EFNB2: variants seen among roughly 807,000 people sequenced by gnomAD.
The protein encoded by EFNB2 is ephrin B2, also known as ephrin-B2.
EFNB2 carries 5 observed loss-of-function variants against 32.1 expected under a neutral mutation model. The ratio of observed to expected loss-of-function variants is 0.16; its 90% CI spans 0.08 to 0.33. EFNB2 has a LOEUF of 0.33. Among genes scored for constraint, EFNB2 ranks in the 10% least tolerant of loss-of-function variants. EFNB2 has a pLI of 1.00. For missense variants in EFNB2, 263 were observed against 422.6 expected (o/e 0.62, Z 3.31); for synonymous variants, 168 against 166.5 (o/e 1.01, Z -0.07).
chr13:106,500,587 C>G (rs1043921485), intron 2 of EFNB2, among the ~76,000 whole-genome samples: 3 of 152,190 alleles, frequency 2.0e-5, no homozygotes, highest in African/African-American at 7.2e-5. Flanking sequence ...GTCATGAAAA[C>G]CACAGAGTCG....
At chr13:106,529,733 AT>A (rs1434461409) in intron 1 of EFNB2, among the ~76,000 whole-genome samples, 1 of 152,126 alleles carries the variant, frequency 6.6e-6, no homozygotes, top group Non-Finnish European at 1.5e-5. Context: ...TTACCACATT[AT>A]TTTTATCTGA....
intron 2 of EFNB2, among the ~76,000 whole-genome samples, chr13:106,497,154 C>T (rs190236985): frequency 6.6e-6 from 1 of 152,250 alleles, no homozygotes; most frequent in East Asian, 1.9e-4. Flanking sequence ...ATTATATTAA[C>T]TACAAAAATA....
At chr13:106,532,099 A>G (rs923339427) in intron 1 of EFNB2, among the ~76,000 whole-genome samples, 5 of 151,956 alleles carry the variant, frequency 3.3e-5, no homozygotes, top group African/African-American at 9.7e-5. Flanking sequence ...AACAACCAAA[A>G]TGGCTACAAC....
chr13:106,533,308 G>A (rs1007630045), intron 1 of EFNB2, among the ~76,000 whole-genome samples: 4 of 151,960 alleles, frequency 2.6e-5, no homozygotes, highest in African/African-American at 4.8e-5. Context: ...GGGACCCGCT[G>A]CTGCGCGAGG....
At chr13:106,526,271 T>A (rs1017780524) in intron 1 of EFNB2, among the ~76,000 whole-genome samples, 1 of 152,116 alleles carries the variant, frequency 6.6e-6, no homozygotes, top group African/African-American at 2.4e-5. Context: ...CAGCACAAAT[T>A]CGGGTTGTCT....
At chr13:106,524,838 G>T (rs1320495701) in intron 1 of EFNB2, among the ~76,000 whole-genome samples, 1 of 152,182 alleles carries the variant, frequency 6.6e-6, no homozygotes, top group African/African-American at 2.4e-5. Context: ...AGAGGAGAGA[G>T]AACTTAATTT....
chr13:106,491,489 A>G lies in EFNB2; in HGVS notation c.*1551T>C, dbSNP rs181053264. Reference sequence around the variant, plus strand: ...AACCTTAAAATATATATTAGTAAAAATCTTTCATTTTATATCCCTTGTGTT... The same window carrying G: ...AACCTTAAAATATATATTAGTAAAAGTCTTTCATTTTATATCCCTTGTGTT... On this transcript the variant is annotated 3_prime_UTR_variant, in exon 5 of 5. Coordinates refer to ENST00000646441, the MANE Select transcript of EFNB2 (RefSeq NM_004093.4). 2.0e-5 allele frequency: 3 copies of G among 152,648 alleles called. No homozygotes were observed. The highest frequency in any genetic ancestry group is 2.0e-4 in the Admixed American group (3 of 15,302). 9.5% of individuals were successfully genotyped at this position (152,648 alleles called of 1,614,324 possible).
chr13:106,502,884 CAT>C (rs963361370), intron 2 of EFNB2, among the ~76,000 whole-genome samples: 87 of 152,268 alleles, frequency 5.7e-4, no homozygotes, highest in African/African-American at 2.1e-3. Context: ...TGCGTGTCTA[CAT>C]GTGTGTGCGT....
At chr13:106,501,005 A>C (rs1266981762) in intron 2 of EFNB2, among the ~76,000 whole-genome samples, 2 of 152,250 alleles carry the variant, frequency 1.3e-5, no homozygotes, top group African/African-American at 4.8e-5. Flanking sequence ...GGTAAGTTGA[A>C]AAATAAGAAG....
chr13:106,490,057 G>A lies in EFNB2; in HGVS notation c.*2983C>T, dbSNP rs941808470. On this transcript the variant is annotated 3_prime_UTR_variant, in exon 5 of 5. Transcript: ENST00000646441. ...CATTTTTTCCTCATTACAGTGCAAA[G>A]GGGAATGACACTGCCGTTAAACAAG... The A allele has an allele frequency of 2.0e-5, 3 of 152,692 alleles. No individual in the cohort carries two copies. In the South Asian group the frequency reaches 6.2e-4, roughly 32 times the overall value. The allele number at this position is 152,692 out of a possible 1,614,324, so 9.5% of individuals were successfully genotyped here.
chr13:106,533,147 G>C (rs1783803593), intron 1 of EFNB2, among the ~76,000 whole-genome samples: 1 of 151,098 alleles, frequency 6.6e-6, no homozygotes, highest in Non-Finnish European at 1.5e-5. Context: ...TGAAAGTGCA[G>C]AGTGGCTGGA....
At position 106,515,761 on chromosome 13, in the gene EFNB2, C is replaced by T. The variant is rs527697876; in HGVS notation, c.123-2949G>A. ...GCAGTTGAGCTGAGAGCCTGAACTA[C>T]AGCTCTCCTGGCCATGTTTTCACTA... On this transcript the variant is annotated intron_variant, in intron 1 of 4. Transcript: ENST00000646441. Among the ~76,000 whole-genome samples the T allele has an allele frequency of 9.2e-5, 14 of 152,316 alleles. No homozygotes were observed. In the South Asian group the frequency reaches 2.7e-3, roughly 29 times the overall value.
intron 2 of EFNB2, among the ~76,000 whole-genome samples, chr13:106,507,782 G>C (rs941299089): frequency 6.6e-6 from 1 of 152,090 alleles, no homozygotes; most frequent in African/African-American, 2.4e-5. Flanking sequence ...AACAACACAG[G>C]GTGGATCTCA....
chr13:106,514,029 C>A (rs777327448), intron 1 of EFNB2, among the ~76,000 whole-genome samples: 61 of 152,134 alleles, frequency 4.0e-4, no homozygotes, highest in Non-Finnish European at 5.6e-4. Flanking sequence ...TATGAAGCAG[C>A]ACAAAACATA....
intron 1 of EFNB2, among the ~76,000 whole-genome samples, chr13:106,532,249 G>A (rs1275867593): frequency 6.6e-6 from 1 of 152,088 alleles, no homozygotes; most frequent in Non-Finnish European, 1.5e-5. Flanking sequence ...AGTAGTTACG[G>A]AGACGCTGAA....
chr13:106,525,635 C>T (rs542556146), intron 1 of EFNB2, among the ~76,000 whole-genome samples: 1 of 152,286 alleles, frequency 6.6e-6, no homozygotes, highest in East Asian at 1.9e-4. Context: ...TATTTCAAGA[C>T]TCAAGCTCCT....
In EFNB2 at chr13:106,508,079, G is replaced by A. The variant is rs147965472; in HGVS notation, c.406+4450C>T. On this transcript the variant is annotated intron_variant, in intron 2 of 4. Transcript: ENST00000646441. ...TGGGTTATTTTGCAAGGTTTTATGC[G>A]AAGGTAGAATAACCAGCCCACAGAA... is the stretch of plus-strand genomic sequence containing the variant. Among the ~76,000 whole-genome samples the A allele has an allele frequency of 5.4e-3, 817 of 152,194 alleles. 5 individuals carry two copies. The highest frequency in any genetic ancestry group is 9.2e-3 in the Non-Finnish European group (625 of 68,006).
chr13:106,508,728 T>C lies in EFNB2; in HGVS notation c.406+3801A>G, dbSNP rs187552287. Among the ~76,000 whole-genome samples, 453 of 152,318 alleles carry C rather than the reference T, an allele frequency of 3.0e-3. 3 individuals carry two copies. Among genetic ancestry groups the C allele is most frequent in the African/African-American group, 0.01 (433 of 41,556 alleles). ...AAGTTGAAAAATTTAAGTGGAACTA[T>C]TTTAAGTCGGTGACCATTCATATAT... On this transcript the variant is annotated intron_variant, in intron 2 of 4. Transcript: ENST00000646441.
chr13:106,496,678 C>T (rs1878603199), intron 2 of EFNB2, among the ~76,000 whole-genome samples: 1 of 146,926 alleles, frequency 6.8e-6, no homozygotes, highest in South Asian at 2.3e-4. Flanking sequence ...AGGACAGAAT[C>T]ATTTTACCAT....
Sources: allele counts gnomAD v4.1 joint callset (sites outside exome capture counted in the v4.1 genomes callset), GRCh38; gene constraint gnomAD v4.1.1; transcripts MANE v1.5; gene names NCBI Gene and HGNC (gene_info 2026-07-23, HGNC 2026-07-21).